The following RANBP2 variants were observed in gnomAD, a reference collection of about 807,000 sequenced individuals.
RANBP2 encodes the protein E3 SUMO-protein ligase RanBP2.
Under a neutral mutation model 303.6 loss-of-function variants are expected in RANBP2, and 57 were observed. The observed-to-expected ratio is 0.19, with a 90% CI of 0.15 to 0.23. The LOEUF is 0.23. RANBP2 is among the 10% of genes least tolerant of loss of function. The pLI, the probability that RANBP2 is intolerant of heterozygous loss-of-function variation, is 1.00. For synonymous variants in RANBP2, 1,167 were observed against 1,301.5 expected (o/e 0.90, Z 2.23); for missense variants, 3,138 against 3,780.8 (o/e 0.83, Z 4.46).
At chr2:109,523,795 T>C in the RANBP2 span, among the ~76,000 whole-genome samples, 2 of 152,222 alleles carry the variant, frequency 1.3e-5, no homozygotes, top group East Asian at 1.9e-4. Context: ...CTGACACCCA[T>C]TGAGGCTAAT....
chr2:109,162,767 G>A, the RANBP2 span, among the ~76,000 whole-genome samples: 13 of 152,192 alleles, frequency 8.5e-5, no homozygotes, highest in African/African-American at 3.1e-4. Context: ...GGGTCAAATG[G>A]TATTTCTAGT....
At chr2:109,697,495 A>AAAAAAAG in the RANBP2 span, among the ~76,000 whole-genome samples, 2 of 152,076 alleles carry the variant, frequency 1.3e-5, no homozygotes, top group African/African-American at 4.8e-5. Flanking sequence ...TAAAAAAAAA[A>AAAAAAAG]AAAAAAGAGG....
At chr2:109,024,088 G>A in the RANBP2 span, among the ~76,000 whole-genome samples, 2 of 151,982 alleles carry the variant, frequency 1.3e-5, no homozygotes, top group Non-Finnish European at 2.9e-5. Context: ...ACCACGCCCC[G>A]CTAATTTTGT....
At chr2:109,436,907 G>T in the RANBP2 span, 1 of 1,613,448 alleles carries the variant, frequency 6.2e-7, no homozygotes, top group Non-Finnish European at 8.5e-7. Flanking sequence ...CCTGCAGGAG[G>T]GGCAGGGCCG....
the RANBP2 span, among the ~76,000 whole-genome samples, chr2:109,386,068 T>C: frequency 1.1e-4 from 16 of 152,174 alleles, no homozygotes; most frequent in African/African-American, 2.9e-4. Context: ...AGCTTTAGGA[T>C]TGAAAAATCT....
the RANBP2 span, among the ~76,000 whole-genome samples, chr2:109,052,441 G>C: frequency 6.6e-6 from 1 of 152,036 alleles, no homozygotes; most frequent in Admixed American, 6.6e-5. Flanking sequence ...TTATACTTTT[G>C]GGAAATCACA....
At chr2:109,170,439 G>A in the RANBP2 span, among the ~76,000 whole-genome samples, 2 of 151,860 alleles carry the variant, frequency 1.3e-5, no homozygotes, top group Admixed American at 6.6e-5. Context: ...TCCGCCTCCC[G>A]GGTTCAAGTG....
At chr2:109,224,181 C>A in the RANBP2 span, among the ~76,000 whole-genome samples, 1 of 152,058 alleles carries the variant, frequency 6.6e-6, no homozygotes, top group Non-Finnish European at 1.5e-5. Flanking sequence ...TGTGCATGTG[C>A]AAATGGAGGG....
the RANBP2 span, among the ~76,000 whole-genome samples, chr2:108,965,164 G>A: frequency 6.6e-6 from 1 of 152,028 alleles, no homozygotes; most frequent in African/African-American, 2.4e-5. Flanking sequence ...TGTCCAAAGT[G>A]TCATGATTAT....
chr2:109,499,207 C>T, the RANBP2 span, among the ~76,000 whole-genome samples: 1 of 152,106 alleles, frequency 6.6e-6, no homozygotes, highest in Non-Finnish European at 1.5e-5. Flanking sequence ...CCGCGGGGGC[C>T]GTGTCTCCTA....
At chr2:109,620,444 G>A in the RANBP2 span, among the ~76,000 whole-genome samples, 1 of 152,254 alleles carries the variant, frequency 6.6e-6, no homozygotes, top group Non-Finnish European at 1.5e-5. Flanking sequence ...GCTCACGCAT[G>A]TAATCCCAGC....
At chr2:109,387,660 C>T in the RANBP2 span, among the ~76,000 whole-genome samples, 8 of 152,218 alleles carry the variant, frequency 5.3e-5, no homozygotes, top group African/African-American at 1.9e-4. Flanking sequence ...AGCATATCCT[C>T]CTCTCATACT....
the RANBP2 span, among the ~76,000 whole-genome samples, chr2:109,190,886 A>G: frequency 6.6e-6 from 1 of 151,768 alleles, no homozygotes; most frequent in Non-Finnish European, 1.5e-5. Context: ...TGCTCTACCT[A>G]ATCAGAAAAT....
the RANBP2 span, among the ~76,000 whole-genome samples, chr2:109,288,350 T>C: frequency 6.6e-6 from 1 of 152,242 alleles, no homozygotes; most frequent in African/African-American, 2.4e-5. Context: ...CTTAATGTAT[T>C]AGGGAACAGG....
chr2:109,094,011 T>C, the RANBP2 span, among the ~76,000 whole-genome samples: 2 of 152,240 alleles, frequency 1.3e-5, no homozygotes, highest in African/African-American at 2.4e-5. Context: ...CTTTTGTGGG[T>C]ATCAGAAATT....
chr2:108,978,645 A>T, the RANBP2 span, among the ~76,000 whole-genome samples: 3 of 152,146 alleles, frequency 2.0e-5, no homozygotes, highest in South Asian at 6.2e-4. Flanking sequence ...AATATTAGAG[A>T]GACCTAGTTA....
chr2:109,139,827 G>A, the RANBP2 span, among the ~76,000 whole-genome samples: 5 of 152,220 alleles, frequency 3.3e-5, no homozygotes, highest in African/African-American at 1.2e-4. Flanking sequence ...CTTTGCCAAA[G>A]ACCAATGTGT....
the RANBP2 span, among the ~76,000 whole-genome samples, chr2:109,210,420 G>A: frequency 6.6e-6 from 1 of 152,230 alleles, no homozygotes; most frequent in South Asian, 2.1e-4. Context: ...TGTAGGCATT[G>A]AGCACAGTGA....
chr2:109,163,704 T>C, the RANBP2 span, among the ~76,000 whole-genome samples: 1 of 152,136 alleles, frequency 6.6e-6, no homozygotes, highest in Non-Finnish European at 1.5e-5. Flanking sequence ...TGGCCGCAAA[T>C]ATTCTTAAGC....
Sources: gnomAD v4.1 joint callset for allele counts (sites outside exome capture counted in the v4.1 genomes callset) on GRCh38, gnomAD v4.1.1 for gene constraint, MANE v1.5 for transcripts, NCBI Gene and HGNC (gene_info 2026-07-23, HGNC 2026-07-21) for gene names.